Variants in ANO2 observed in about 807,000 individuals in gnomAD.
ANO2 encodes the protein anoctamin-2.
ANO2 carries 101 observed loss-of-function variants against 124.2 expected under a neutral mutation model. That is an observed-to-expected ratio of 0.81 (90% CI 0.69 to 0.96). ANO2 has a LOEUF of 0.96. Among genes scored for constraint, ANO2 ranks in the 40% least tolerant of loss-of-function variants. ANO2 has a pLI of 0.00. For missense variants in ANO2, 1,293 were observed against 1,274.5 expected (o/e 1.01, Z -0.22); for synonymous variants, 486 against 482.5 (o/e 1.01, Z -0.09).
intron 16 of ANO2, among the ~76,000 whole-genome samples, chr12:5,618,170 C>T (rs937129430): frequency 1.1e-4 from 16 of 152,206 alleles, no homozygotes; most frequent in African/African-American, 3.9e-4. Context: ...CAAACAGGAG[C>T]CCCTCCCTGC....
At chr12:5,786,190 G>A (rs1182884656) in intron 10 of ANO2, among the ~76,000 whole-genome samples, 1 of 152,068 alleles carries the variant, frequency 6.6e-6, no homozygotes. Flanking sequence ...CCTAGGCCCT[G>A]CCCCCAGACC....
rs139555457 is a variant in ANO2 at position 5,827,832 on chromosome 12, C to T, written c.841-12G>A. The T allele has an allele frequency of 1.6e-3, 2,626 of 1,608,140 alleles. 37 individuals carry two copies. The African/African-American group carries it at 0.026, about 16-fold the overall frequency. On this transcript the variant is annotated splice_polypyrimidine_tract_variant and intron_variant, in intron 6 of 24. Transcript: ENST00000682330. ...AGGATCTCGTGCACCTAAAAGGGGA[C>T]GACAGCAGAGCTGTGAGCTCCTAGT...
rs1410226833 is a variant in ANO2, at chr12:5,769,203, C to T, written c.1056-18233G>A. Among the ~76,000 whole-genome samples, 1 of 152,166 alleles carries T rather than the reference C, an allele frequency of 6.6e-6. No homozygotes were observed. Among genetic ancestry groups the T allele is most frequent in the Non-Finnish European group, 1.5e-5 (1 of 68,028 alleles). On this transcript the variant is annotated intron_variant, in intron 10 of 24. Coordinates refer to ENST00000682330, the MANE Select transcript of ANO2 (RefSeq NM_001364791.2). The surrounding 1 kb of genome is among the most constrained non-coding windows in gnomAD (Gnocchi z 4.0). ...AGAGGTTCCCTCTCTCCAACCAATC[C>T]TCTCTTTAAGAAGGTTTCCAAATAA...
intron 14 of ANO2, among the ~76,000 whole-genome samples, chr12:5,717,910 T>C (rs1378535132): frequency 6.6e-6 from 1 of 152,218 alleles, no homozygotes; most frequent in Non-Finnish European, 1.5e-5. Context: ...CAATTATTCA[T>C]GACAATCTCA....
At chr12:5,580,263 T>C (rs1291454565) in intron 20 of ANO2, among the ~76,000 whole-genome samples, 1 of 152,246 alleles carries the variant, frequency 6.6e-6, no homozygotes, top group African/African-American at 2.4e-5. Flanking sequence ...GTACATACAA[T>C]GTACAATATG....
intron 1 of ANO2, among the ~76,000 whole-genome samples, chr12:5,928,559 G>C (rs1052651881): frequency 4.4e-4 from 65 of 148,364 alleles, no homozygotes; most frequent in Non-Finnish European, 7.8e-4. Flanking sequence ...TTCCTTATTA[G>C]TCACTTTCTT....
chr12:5,825,609 G>T (rs1953930714), intron 7 of ANO2, among the ~76,000 whole-genome samples: 1 of 152,156 alleles, frequency 6.6e-6, no homozygotes, highest in Non-Finnish European at 1.5e-5. Context: ...GACACTTTGG[G>T]CTCCTCCTAC....
chr12:5,616,243 T>C (rs1035882167), intron 16 of ANO2, among the ~76,000 whole-genome samples: 3 of 152,204 alleles, frequency 2.0e-5, no homozygotes, highest in African/African-American at 7.2e-5. Context: ...TCTGGAGGTT[T>C]GCAAGTCTGA....
chr12:5,761,552 G>A (rs1401183522), intron 10 of ANO2, among the ~76,000 whole-genome samples: 4 of 152,180 alleles, frequency 2.6e-5, no homozygotes, highest in Admixed American at 6.5e-5. Context: ...CTGTCTTATC[G>A]TTAAAATTTT....
intron 4 of ANO2, among the ~76,000 whole-genome samples, chr12:5,841,675 C>T (rs1389743721): frequency 6.6e-6 from 1 of 152,140 alleles, no homozygotes; most frequent in Non-Finnish European, 1.5e-5. Context: ...GGCCTGTGGG[C>T]ATGTCCTTCC....
chr12:5,797,148 G>T (rs1250301198), intron 10 of ANO2, among the ~76,000 whole-genome samples: 1 of 152,250 alleles, frequency 6.6e-6, no homozygotes, highest in Non-Finnish European at 1.5e-5. Flanking sequence ...ATGCATGGTA[G>T]TAAGTAGTCA....
At chr12:5,860,669 T>A (rs1042059363) in intron 3 of ANO2, among the ~76,000 whole-genome samples, 1 of 152,228 alleles carries the variant, frequency 6.6e-6, no homozygotes, top group African/African-American at 2.4e-5. Flanking sequence ...TCTCTCATAT[T>A]GACAGCTAAA....
chr12:5,812,447 G>GA, intron 7 of ANO2, among the ~76,000 whole-genome samples: 1 of 97,184 alleles, frequency 1.0e-5, no homozygotes, highest in South Asian at 4.3e-4. Flanking sequence ...AGAGAGAAAG[G>GA]AAGAAAGGAA....
intron 3 of ANO2, among the ~76,000 whole-genome samples, chr12:5,875,070 C>A (rs949093904): frequency 2.0e-5 from 3 of 152,144 alleles, no homozygotes; most frequent in African/African-American, 7.2e-5. Context: ...TGCACCTGGC[C>A]CCTCTCTCAT....
rs924962712 is a variant in ANO2, at chr12:5,643,083, C to T, written c.1620+4644G>A. On this transcript the variant is annotated intron_variant, in intron 15 of 24. Transcript: ENST00000682330. ...CATTTTACACACACACACACACACA[C>T]ACACAATGAATAAAACAAACACCAA... is the stretch of plus-strand genomic sequence containing the variant. Among the ~76,000 whole-genome samples the T allele has an allele frequency of 3.3e-5, 5 of 151,982 alleles. No individual in the cohort carries two copies. In the East Asian group the frequency reaches 9.6e-4, roughly 29 times the overall value.
At chr12:5,928,147 CAGG>C (rs36115968) in intron 1 of ANO2, among the ~76,000 whole-genome samples, 20,172 of 152,084 alleles carry the variant, frequency 0.13, 1,496 homozygotes, top group East Asian at 0.18. Flanking sequence ...AGACCAGCAG[CAGG>C]AGGAGGAGGT....
At chr12:5,656,706 T>A (rs1430064779) in intron 14 of ANO2, among the ~76,000 whole-genome samples, 1 of 152,184 alleles carries the variant, frequency 6.6e-6, no homozygotes, top group Non-Finnish European at 1.5e-5. Flanking sequence ...TCTTTAATTG[T>A]TTGTTCAACC....
intron 10 of ANO2, among the ~76,000 whole-genome samples, chr12:5,773,389 T>C (rs1057409202): frequency 2.0e-5 from 3 of 152,168 alleles, no homozygotes; most frequent in African/African-American, 7.2e-5. Context: ...ATTTTATGGA[T>C]TGGGGAACTC....
At position 5,636,835 on chromosome 12, in the gene ANO2, G is replaced by C. The variant is rs1027467736; in HGVS notation, c.1621-1488C>G. Reference sequence around the variant, plus strand: ...GGTATGGATGTTTTCAGACCTCTGGGGGGTACCTGGGGTGTGCTGGTGGCA... The same window carrying C: ...GGTATGGATGTTTTCAGACCTCTGGCGGGTACCTGGGGTGTGCTGGTGGCA... On this transcript the variant is annotated intron_variant, in intron 15 of 24. Coordinates refer to ENST00000682330, the MANE Select transcript of ANO2 (RefSeq NM_001364791.2). This position sits in a 1 kb window ranked among gnomAD's most constrained non-coding sequence, Gnocchi z 4.6. Among the ~76,000 whole-genome samples, 1 of 152,072 alleles carries C rather than the reference G, an allele frequency of 6.6e-6. No individual in the cohort carries two copies. Among genetic ancestry groups the C allele is most frequent in the African/African-American group, 2.4e-5 (1 of 41,404 alleles).
Sources: allele counts gnomAD v4.1 joint callset (sites outside exome capture counted in the v4.1 genomes callset), GRCh38; gene constraint gnomAD v4.1.1; non-coding constraint Gnocchi (gnomAD v3.1); transcripts MANE v1.5; gene names NCBI Gene and HGNC (gene_info 2026-07-23, HGNC 2026-07-21).